Variants in NOL9 observed in about 807,000 individuals in gnomAD.
NOL9 encodes polynucleotide 5'-hydroxyl-kinase NOL9.
A neutral mutation model predicts 67.9 loss-of-function variants in NOL9; 28 were observed. The observed-to-expected ratio is 0.41, with a 90% CI of 0.31 to 0.57. The LOEUF (loss-of-function observed/expected upper bound fraction) is 0.57, where lower values mean the gene tolerates loss of function less well. NOL9 is among the 20% of genes least tolerant of loss of function. NOL9 has a pLI of 0.25. For missense variants in NOL9, 777 were observed against 897.0 expected, an observed-to-expected ratio of 0.87 and a Z score of 1.71; for synonymous variants, 356 against 352.2, an observed-to-expected ratio of 1.01 and a Z score of -0.12.
At chr1:6,553,832 ACT>A (rs1232180276) in intron 1 of NOL9, among the ~76,000 whole-genome samples, 2 of 138,584 alleles carry the variant, frequency 1.4e-5, no homozygotes, top group Non-Finnish European at 3.2e-5. Flanking sequence ...ACAGAGTGAG[ACT>A]CTGTCTCAAA....
chr1:6,550,608 G>A lies in NOL9; in HGVS notation c.404C>T (p.Thr135Ile). 1 of 1,600,952 alleles carries A rather than the reference G, an allele frequency of 6.2e-7. No individual in the cohort carries two copies. Among genetic ancestry groups the A allele is most frequent in the Non-Finnish European group, 8.5e-7 (1 of 1,171,884 alleles). Residue 135 changes from threonine (T) to isoleucine (I), a missense_variant, in exon 2 of 12, where the codon ACT becomes ATT. This residue lies in a region of NOL9 where 364 missense variants were observed against 344.4 expected (regional missense o/e 1.06). Coordinates refer to ENST00000377705, the MANE Select transcript of NOL9 (RefSeq NM_024654.5). ...AGTCACACGACAGATCCCACTAAAA[G>A]TAAAACCCTAGCAGGGAGAGAAAAC... The part of the protein sequence containing the change: ...LLLLPVEQGF[T>I]FSGICRVTCL...
intron 3 of NOL9, among the ~76,000 whole-genome samples, chr1:6,546,116 A>ATT (rs2148660536): frequency 6.6e-6 from 1 of 151,130 alleles, no homozygotes; most frequent in African/African-American, 2.4e-5. Context: ...TAGATAATCA[A>ATT]GTTTACTATC....
At position 6,541,920 on chromosome 1, in the gene NOL9, A is replaced by G. The variant is rs1274410287; in HGVS notation, c.985T>C (p.Cys329Arg). The G allele has an allele frequency of 6.3e-7, 1 of 1,584,552 alleles. No individual in the cohort carries two copies. Among genetic ancestry groups the G allele is most frequent in the Non-Finnish European group, 8.6e-7 (1 of 1,168,742 alleles). Residue 329 changes from cysteine (C) to arginine (R), a missense_variant, in exon 6 of 12, where the codon TGC becomes CGC. Physicochemically the swap from Cys to Arg is radical, Grantham distance 180. Transcript: ENST00000377705. ...AGATCACATTCCAAATAGTCAACGCAGGGAAGACTGCAAATTTTTAAAAAA... is the reference window on the plus strand; with the variant it reads ...AGATCACATTCCAAATAGTCAACGCGGGGAAGACTGCAAATTTTTAAAAAA... ...LINHLLNSLP[C>R]VDYLECDLGQ... is the part of the protein sequence containing the mutation.
chr1:6,538,655 C>A (rs144876440), intron 6 of NOL9, among the ~76,000 whole-genome samples: 1 of 151,342 alleles, frequency 6.6e-6, no homozygotes, highest in Admixed American at 6.6e-5. Flanking sequence ...CTCGGCACTC[C>A]GTCTCAAAAA....
Position 6,549,585 on chromosome 1 carries a change from T to C in NOL9, c.730A>G (p.Ile244Val), listed in dbSNP as rs1193615125. 4 of 1,613,888 alleles carry C rather than the reference T, an allele frequency of 2.5e-6. No homozygotes were observed. Among genetic ancestry groups the C allele is most frequent in the Admixed American group, 1.7e-5 (1 of 59,916 alleles). ...ACGGGTTCTACCTCTTGCACAAAAA[T>C]GTAGGATGAACCCGGATAGCTGGTT... ...FITSYPGSSY[I>V]FVQESPTPQI... The change falls in exon 3 of 12, where the codon ATT becomes GTT. Residue 244 changes from isoleucine to valine, a missense_variant. By Grantham distance (29) the Ile-to-Val change is conservative. Around this residue, in one of 2 missense-constraint regions of NOL9, gnomAD observed 364 missense variants for 344.4 expected, o/e 1.06. Transcript: ENST00000377705.
chr1:6,537,799 A>T (rs1639187685), intron 6 of NOL9, among the ~76,000 whole-genome samples: 1 of 152,068 alleles, frequency 6.6e-6, no homozygotes, highest in South Asian at 2.1e-4. Flanking sequence ...GAAAATATTA[A>T]TTCAAAATGG....
intron 5 of NOL9, 120 bp downstream of exon 5, chr1:6,544,706 A>G (rs1010236588): frequency 2.3e-4 from 223 of 961,400 alleles, no homozygotes; most frequent in Non-Finnish European, 3.1e-4. Context: ...TCAGCTGGGC[A>G]GCTTTAGACC....
At chr1:6,539,676 C>T (rs1639233212) in intron 6 of NOL9, among the ~76,000 whole-genome samples, 1 of 151,406 alleles carries the variant, frequency 6.6e-6, no homozygotes, top group African/African-American at 2.4e-5. Context: ...TTAATAGGGA[C>T]TGGGTTTCAC....
chr1:6,545,265 G>A (rs1639394712), intron 3 of NOL9, 85 bp from the exon 4 acceptor site: 13 of 1,348,890 alleles, frequency 9.6e-6, no homozygotes, highest in Non-Finnish European at 1.2e-5. Flanking sequence ...ACACAGTTGT[G>A]AGCCAGAGAA....
Position 6,548,670 on chromosome 1 carries a change from T to A in NOL9, c.744+901A>T, listed in dbSNP as rs75747917. 6.5e-3 allele frequency: 1,548 copies of A among 238,926 alleles called. 25 individuals carry two copies. The highest frequency in any genetic ancestry group is 0.033 in the African/African-American group (1,452 of 43,838). The allele number at this position is 238,926 out of a possible 1,614,324, so 14.8% of individuals were successfully genotyped here. On this transcript the variant is annotated intron_variant, in intron 3 of 11. Transcript: ENST00000377705. ...ATAAAAATTAAGACTCGTTAAAAAT[T>A]AGAGGTAAGGAAAGAGATAAAAGAA...
At chr1:6,536,454 C>G (rs1639159485) in intron 6 of NOL9, among the ~76,000 whole-genome samples, 1 of 152,156 alleles carries the variant, frequency 6.6e-6, no homozygotes, top group Non-Finnish European at 1.5e-5. Flanking sequence ...ATCCCTTCAG[C>G]CCAGAAGCTT....
At chr1:6,549,542 G>C (rs780335428) in intron 3 of NOL9, 29 bp downstream of exon 3, 1 of 1,609,858 alleles carries the variant, frequency 6.2e-7, no homozygotes, top group South Asian at 1.1e-5. Flanking sequence ...CAAGTAATTA[G>C]CAAAACTCTG....
chr1:6,540,180 T>C (rs1318929004), intron 6 of NOL9, among the ~76,000 whole-genome samples: 1 of 143,458 alleles, frequency 7.0e-6, no homozygotes, highest in Admixed American at 7.3e-5. Flanking sequence ...TGGAGTGCAG[T>C]GGTGAGAGCT....
rs1418348075 is a variant in NOL9, at chr1:6,529,147, G to A, written c.1672C>T (p.Arg558Trp). The A allele has an allele frequency of 3.1e-6, 5 of 1,613,478 alleles. No homozygotes were observed. Among genetic ancestry groups the A allele is most frequent in the South Asian group, 1.1e-5 (1 of 91,044 alleles). The stretch of plus-strand genomic sequence containing the variant: ...GGGGCGACATCAGAGTGGGTAATCC[G>A]GAGTGCGACTGCATTGAAAGGGACC... The part of the protein sequence containing the change: ...YQVPFNAVAL[R>W]ITHSDVAPTH... The change falls in exon 10 of 12, where the codon CGG becomes TGG. Residue 558 changes from arginine (R) to tryptophan (W), a missense_variant. Coordinates refer to ENST00000377705, the MANE Select transcript of NOL9 (RefSeq NM_024654.5).
intron 6 of NOL9, among the ~76,000 whole-genome samples, chr1:6,535,131 G>A (rs749511759): frequency 6.6e-6 from 1 of 152,074 alleles, no homozygotes; most frequent in Non-Finnish European, 1.5e-5. Context: ...GATAGAAAAG[G>A]TATCTACAGA....
intron 11 of NOL9, 87 bp from the exon 12 acceptor site, chr1:6,526,090 T>C: frequency 8.3e-7 from 1 of 1,206,406 alleles, no homozygotes; most frequent in Non-Finnish European, 1.2e-6. Context: ...TAGAAGGCAG[T>C]GTCATGGTGA....
rs779956866 is a variant in NOL9, at chr1:6,545,165, T to C, written c.760A>G (p.Ile254Val). ...CTCAAGGCTAAATATTCAGGTTTAA[T>C]CTGGGGAGTTGGACTCTGAAATCAA... is the stretch of plus-strand genomic sequence containing the variant. ...IFVQESPTPQ[I>V]KPEYLALRSV... is the part of the protein sequence containing the mutation. Residue 254 changes from isoleucine to valine, a missense_variant, in exon 4 of 12, where the codon ATT becomes GTT. Coordinates refer to ENST00000377705, the MANE Select transcript of NOL9 (RefSeq NM_024654.5). The C allele has an allele frequency of 1.2e-6, 2 of 1,611,624 alleles. No homozygotes were observed. The highest frequency in any genetic ancestry group is 2.2e-5 in the South Asian group (2 of 90,628).
intron 1 of NOL9, 121 bp downstream of exon 1, chr1:6,553,986 C>T (rs1570094640): frequency 3.9e-6 from 3 of 777,668 alleles, no homozygotes; most frequent in East Asian, 3.3e-5. Context: ...GACTTGAATC[C>T]GACTGGCAGC....
intron 10 of NOL9, 72 bp from the exon 11 acceptor site, chr1:6,526,901 C>T (rs1416913730): frequency 4.0e-6 from 6 of 1,494,922 alleles, no homozygotes; most frequent in Non-Finnish European, 5.4e-6. Flanking sequence ...TTAGAAACTG[C>T]AGAATGGTTT....
Sources: allele counts gnomAD v4.1 joint callset (sites outside exome capture counted in the v4.1 genomes callset), GRCh38; gene constraint gnomAD v4.1.1; regional missense constraint gnomAD v4.1.1; transcripts MANE v1.5; gene names NCBI Gene and HGNC (gene_info 2026-07-23, HGNC 2026-07-21).